Variants in IQCM observed in about 807,000 individuals in gnomAD.
IQCM encodes IQ domain-containing protein M.
IQCM carries 45 observed loss-of-function variants against 57.6 expected under a neutral mutation model. The observed-to-expected ratio is 0.78, with a 90% CI of 0.62 to 1.00. The LOEUF is 1.00. IQCM is among the 50% of genes least tolerant of loss of function. The pLI is 0.00. For missense variants in IQCM, 468 were observed against 511.6 expected (o/e 0.91, Z 0.82); for synonymous variants, 148 against 158.9 (o/e 0.93, Z 0.51).
intron 12 of IQCM, among the ~76,000 whole-genome samples, chr4:149,445,189 T>A (rs1388451497): frequency 1.3e-5 from 2 of 151,854 alleles, no homozygotes; most frequent in African/African-American, 2.4e-5. Flanking sequence ...ATTAGTGTGG[T>A]CTTCTTGGTT....
chr4:149,614,542 C>G (rs1755608905), intron 8 of IQCM, among the ~76,000 whole-genome samples: 1 of 152,100 alleles, frequency 6.6e-6, no homozygotes, highest in African/African-American at 2.4e-5. Context: ...TCCCGCTACC[C>G]CTTGGCCCTA....
intron 8 of IQCM, among the ~76,000 whole-genome samples, chr4:149,613,190 T>G: frequency 6.6e-6 from 1 of 151,658 alleles, no homozygotes; most frequent in Non-Finnish European, 1.5e-5. Context: ...TTACAGTACC[T>G]CCTCAAATGT....
intron 5 of IQCM, among the ~76,000 whole-genome samples, chr4:149,726,829 C>T (rs925108162): frequency 2.6e-5 from 4 of 151,634 alleles, no homozygotes; most frequent in African/African-American, 9.7e-5. Flanking sequence ...CCTCTGTCTC[C>T]CAGCTAGAGT....
intron 5 of IQCM, among the ~76,000 whole-genome samples, chr4:149,712,768 T>C (rs1349867885): frequency 6.6e-6 from 1 of 152,214 alleles, no homozygotes; most frequent in Non-Finnish European, 1.5e-5. Flanking sequence ...CCCAGTCATT[T>C]TGGAAGATTG....
chr4:149,658,036 G>T lies in IQCM; in HGVS notation c.565+24082C>A, dbSNP rs917252352. 1.7e-4 allele frequency among the ~76,000 whole-genome samples: 25 copies of T among 149,970 alleles called. 2 individuals carry two copies. Among genetic ancestry groups the T allele is most frequent in the Admixed American group, 4.0e-4 (6 of 15,014 alleles). ...TTTCAATTTGATGTAATCATATTTG[G>T]TTTTTTTTTGCTTTTGTTCCCTGTG... On this transcript the variant is annotated intron_variant, in intron 7 of 13. Coordinates refer to ENST00000636793, the MANE Select transcript of IQCM (RefSeq NM_001363507.2).
intron 5 of IQCM, among the ~76,000 whole-genome samples, chr4:149,723,718 T>C (rs1422537001): frequency 1.3e-5 from 2 of 152,102 alleles, no homozygotes; most frequent in South Asian, 2.1e-4. Flanking sequence ...TTTGCATCTA[T>C]GTTCATCAGA....
chr4:149,776,873 A>G (rs1224073170), intron 2 of IQCM, among the ~76,000 whole-genome samples: 1 of 152,052 alleles, frequency 6.6e-6, no homozygotes, highest in Non-Finnish European at 1.5e-5. Flanking sequence ...AAAATCACTA[A>G]AAATTTTTAA....
intron 7 of IQCM, among the ~76,000 whole-genome samples, chr4:149,664,722 G>T (rs1169709873): frequency 1.3e-5 from 2 of 152,152 alleles, no homozygotes; most frequent in African/African-American, 2.4e-5. Context: ...TTCTAAGGGT[G>T]CAGGGCTGCT....
intron 12 of IQCM, among the ~76,000 whole-genome samples, chr4:149,509,357 A>G (rs1195463731): frequency 1.3e-5 from 2 of 151,980 alleles, no homozygotes; most frequent in African/African-American, 4.8e-5. Flanking sequence ...AGCTCACTGC[A>G]GCTTCAACCT....
At position 149,756,172 on chromosome 4, in the gene IQCM, A is replaced by T. The variant is rs1243475871; in HGVS notation, c.-48-13433T>A. ...ACTGCAAGGTTAATGAATGCCAGGA[A>T]TTTTTACTGCTTTGTTCACTGATGT... On this transcript the variant is annotated intron_variant, in intron 2 of 13. Coordinates refer to ENST00000636793, the MANE Select transcript of IQCM (RefSeq NM_001363507.2). Among the ~76,000 whole-genome samples the T allele has an allele frequency of 2.0e-5, 3 of 152,298 alleles. No individual in the cohort carries two copies. The East Asian group carries it at 5.8e-4, about 29-fold the overall frequency.
At chr4:149,712,579 T>C (rs1031184609) in intron 5 of IQCM, among the ~76,000 whole-genome samples, 4 of 152,202 alleles carry the variant, frequency 2.6e-5, no homozygotes, top group African/African-American at 9.6e-5. Flanking sequence ...CCTACTGTTT[T>C]CCTATTTAAC....
At chr4:149,619,460 C>T (rs12503832) in intron 8 of IQCM, among the ~76,000 whole-genome samples, 2 of 151,776 alleles carry the variant, frequency 1.3e-5, no homozygotes, top group African/African-American at 4.8e-5. Flanking sequence ...ACTGCACTAT[C>T]CCTAAATCTA....
At chr4:149,745,885 T>A (rs886930541) in intron 2 of IQCM, among the ~76,000 whole-genome samples, 2 of 151,976 alleles carry the variant, frequency 1.3e-5, no homozygotes, top group Non-Finnish European at 2.9e-5. Context: ...GGTGGGAGGA[T>A]CAGTTGAGCC....
At chr4:149,467,598 T>C (rs1027120986) in intron 12 of IQCM, among the ~76,000 whole-genome samples, 6 of 152,166 alleles carry the variant, frequency 3.9e-5, no homozygotes, top group African/African-American at 1.2e-4. Flanking sequence ...AAGGGCAAGA[T>C]TTAGGAAAAC....
intron 2 of IQCM, among the ~76,000 whole-genome samples, chr4:149,757,126 C>A (rs1769044577): frequency 6.6e-6 from 1 of 151,878 alleles, no homozygotes. Flanking sequence ...GGCATGGTGG[C>A]AGGCGCCTGT....
At chr4:149,559,025 C>G (rs911509283) in intron 10 of IQCM, among the ~76,000 whole-genome samples, 1 of 152,152 alleles carries the variant, frequency 6.6e-6, no homozygotes, top group African/African-American at 2.4e-5. Flanking sequence ...TTAAATTCCA[C>G]ATTTCTCAAC....
intron 13 of IQCM, among the ~76,000 whole-genome samples, chr4:149,378,813 C>T (rs542467991): frequency 2.9e-4 from 44 of 152,298 alleles, no homozygotes; most frequent in African/African-American, 9.6e-4. Context: ...ATCCCCAAGA[C>T]ACTATGGGGA....
intron 9 of IQCM, among the ~76,000 whole-genome samples, chr4:149,582,307 CATATAT>C (rs70965193): frequency 5.3e-4 from 47 of 88,062 alleles, no homozygotes; most frequent in South Asian, 8.6e-4. Context: ...ATGCTGTAGA[CATATAT>C]ATATATATAT....
intron 6 of IQCM, among the ~76,000 whole-genome samples, chr4:149,686,147 C>A (rs1429008969): frequency 6.6e-6 from 1 of 151,392 alleles, no homozygotes; most frequent in Non-Finnish European, 1.5e-5. Flanking sequence ...CACTGTAAAA[C>A]CCAGATGGTT....
Sources: allele counts gnomAD v4.1 joint callset (sites outside exome capture counted in the v4.1 genomes callset), GRCh38; gene constraint gnomAD v4.1.1; transcripts MANE v1.5; gene names NCBI Gene and HGNC (gene_info 2026-07-23, HGNC 2026-07-21).